Variants in PTPRQ observed in about 807,000 individuals in gnomAD.
PTPRQ encodes the protein protein tyrosine phosphatase receptor type Q.
In PTPRQ, 199 loss-of-function variants were observed where a neutral mutation model predicts 246.0. That is an observed-to-expected ratio of 0.81 (90% CI 0.72 to 0.91). PTPRQ has a LOEUF of 0.91. PTPRQ is among the 40% of genes least tolerant of loss of function. The pLI, the probability that PTPRQ is intolerant of heterozygous loss-of-function variation, is 0.00. For synonymous variants in PTPRQ, 869 were observed against 853.2 expected (o/e 1.02, Z -0.32); for missense variants, 2,624 against 2,528.4 (o/e 1.04, Z -0.81).
At position 80,610,510 on chromosome 12, in the gene PTPRQ, T is replaced by G; in HGVS notation, c.4803T>G (p.Asp1601Glu). ...AAAATAAAACCATAGAAATTAAAGATTTAGAAATATTCACAAGGTATTCTG... is the reference window on the plus strand; with the variant it reads ...AAAATAAAACCATAGAAATTAAAGAGTTAGAAATATTCACAAGGTATTCTG... Reference protein sequence around the residue: ...NEENKTIEIKDLEIFTRYSVV... With the variant: ...NEENKTIEIKELEIFTRYSVV... Residue 1601 changes from aspartate to glutamate, a missense_variant, in exon 28 of 45, where the codon GAT becomes GAG. Physicochemically the swap from Asp to Glu is conservative, Grantham distance 45 (BLOSUM62 2). Transcript: ENST00000644991. 1 of 1,534,320 alleles carries G rather than the reference T, an allele frequency of 6.5e-7. No homozygotes were observed. The highest frequency in any genetic ancestry group is 8.8e-7 in the Non-Finnish European group (1 of 1,136,960).
At chr12:80,494,621 GT>G (rs1894551473) in intron 10 of PTPRQ, among the ~76,000 whole-genome samples, 1 of 151,624 alleles carries the variant, frequency 6.6e-6, no homozygotes, top group South Asian at 2.1e-4. Context: ...TAAGAAAGTT[GT>G]TTTCTTAAAA....
chr12:80,465,239 A>T (rs1893352236), intron 6 of PTPRQ: 1 of 152,190 alleles, frequency 6.6e-6, no homozygotes, highest in Admixed American at 6.5e-5. Flanking sequence ...CTATGCAAAT[A>T]AACTAGAAAA....
Position 80,472,267 on chromosome 12 carries a change from ATGAG to A in PTPRQ, c.1186+21_1186+24del. 6.5e-7 allele frequency: 1 copy of A among 1,549,898 alleles called. No individual in the cohort carries two copies. Among genetic ancestry groups the A allele is most frequent in the Non-Finnish European group, 8.7e-7 (1 of 1,146,554 alleles). ...CCACCAGATGGTAAGAACATAGGGA[ATGAG>A]TGAGATATTTTTGGTATGCTTATGA... On this transcript the variant is annotated intron_variant, in intron 8 of 44. Transcript: ENST00000644991.
chr12:80,629,961 T>A (rs1222409060), intron 33 of PTPRQ, among the ~76,000 whole-genome samples: 1 of 152,226 alleles, frequency 6.6e-6, no homozygotes, highest in African/African-American at 2.4e-5. Context: ...CATTGTTCAC[T>A]TATTTCTGAA....
chr12:80,567,946 AG>A (rs2120943026), intron 25 of PTPRQ, among the ~76,000 whole-genome samples: 1 of 152,300 alleles, frequency 6.6e-6, no homozygotes, highest in Non-Finnish European at 1.5e-5. Flanking sequence ...TGACATAAAA[AG>A]TATATATTTT....
intron 33 of PTPRQ, among the ~76,000 whole-genome samples, chr12:80,631,656 T>C (rs1465108751): frequency 6.6e-6 from 1 of 152,172 alleles, no homozygotes; most frequent in Non-Finnish European, 1.5e-5. Context: ...ATTACAAATA[T>C]GTTGAAGATA....
In PTPRQ at chr12:80,620,274, G is replaced by A. The variant is rs1425361802; in HGVS notation, c.5510G>A (p.Gly1837Asp). The change falls in exon 32 of 45, where the codon GGC becomes GAC. Residue 1837 changes from glycine (G) to aspartate (D), a missense_variant. Physicochemically the swap from Gly to Asp is moderately conservative, Grantham distance 94 (BLOSUM62 -1). Coordinates refer to ENST00000644991, the MANE Select transcript of PTPRQ (RefSeq NM_001145026.2). ...ACAGAAGGAAAGACAAAGTTTAGTG[G>A]CAATGAAGAAATCTACATCATAGGT... is the stretch of plus-strand genomic sequence containing the variant. The part of the protein sequence containing the change: ...PCTEGKTKFS[G>D]NEEIYIIGAD... 5.8e-6 allele frequency: 9 copies of A among 1,549,482 alleles called. No individual in the cohort carries two copies. Among genetic ancestry groups the A allele is most frequent in the Admixed American group, 3.9e-5 (2 of 50,838 alleles).
At chr12:80,449,115 C>T (rs1219471267) in intron 3 of PTPRQ, among the ~76,000 whole-genome samples, 8 of 151,484 alleles carry the variant, frequency 5.3e-5, no homozygotes, top group Non-Finnish European at 1.5e-5. Context: ...TTGCATTTCT[C>T]TGATGGCCAG....
At position 80,617,317 on chromosome 12, in the gene PTPRQ, C is replaced by G. The variant is rs377653196; in HGVS notation, c.5230+1051C>G. Among the ~76,000 whole-genome samples the G allele has an allele frequency of 4.2e-4, 64 of 151,402 alleles. No homozygotes were observed. The East Asian group carries it at 8.2e-3, about 19-fold the overall frequency. On this transcript the variant is annotated intron_variant, in intron 30 of 44. Transcript: ENST00000644991. ...TGTACTATTAAGAATAAAAAATATT[C>G]ACTGTTAGATGAAACTGATAAATTT...
intron 25 of PTPRQ, among the ~76,000 whole-genome samples, chr12:80,574,066 G>C (rs1363014239): frequency 6.6e-6 from 1 of 151,668 alleles, no homozygotes; most frequent in Non-Finnish European, 1.5e-5. Flanking sequence ...TGTAGTTTCA[G>C]TTAAAAAAAA....
chr12:80,450,451 G>A (rs1892719607), intron 3 of PTPRQ, among the ~76,000 whole-genome samples: 1 of 152,160 alleles, frequency 6.6e-6, no homozygotes, highest in Admixed American at 6.5e-5. Context: ...TCCCTGTCTT[G>A]TGCCAGTTTT....
At position 80,484,608 on chromosome 12, in the gene PTPRQ, A is replaced by T; in HGVS notation, c.1359+3A>T. 1 of 1,548,866 alleles carries T rather than the reference A, an allele frequency of 6.5e-7. No homozygotes were observed. ...CTTTGCTCACTGGAAATAATGAGGT[A>T]TTGCATTTTTATTTCACTTATTGGT... On this transcript the variant is annotated splice_donor_region_variant and intron_variant, in intron 9 of 44. Transcript: ENST00000644991.
At chr12:80,496,827 G>T (rs922097176) in intron 14 of PTPRQ, among the ~76,000 whole-genome samples, 1 of 151,964 alleles carries the variant, frequency 6.6e-6, no homozygotes, top group African/African-American at 2.4e-5. Context: ...AGATTGAATG[G>T]CTACTTGCTT....
Position 80,495,311 on chromosome 12 carries a change from G to T in PTPRQ, c.1822G>T (p.Glu608Ter), listed in dbSNP as rs1894580017. Residue 608 changes from glutamate to a stop codon, truncating the protein, a stop_gained, in exon 12 of 45, where the codon GAA (glutamate) becomes TAA (stop). Coordinates refer to ENST00000644991, the MANE Select transcript of PTPRQ (RefSeq NM_001145026.2). LOFTEE classifies it high-confidence loss of function. ...AACTCACTATACGATTTATGCAATG[G>T]AATTGGATACAAACAGAGCATTCCA... Reference protein sequence around the residue: ...KITHYTIYAMELDTNRAFQIT... With the variant: ...KITHYTIYAM 1 of 1,544,988 alleles carries T rather than the reference G, an allele frequency of 6.5e-7. No individual in the cohort carries two copies. The highest frequency in any genetic ancestry group is 2.5e-5 in the East Asian group (1 of 40,706).
At chr12:80,600,743 G>A (rs544352724) in intron 26 of PTPRQ, among the ~76,000 whole-genome samples, 1 of 151,838 alleles carries the variant, frequency 6.6e-6, no homozygotes, top group South Asian at 2.1e-4. Flanking sequence ...CATCTTTCTG[G>A]TATGAGTTAG....
At chr12:80,662,304 A>G (rs756817293) in intron 39 of PTPRQ, among the ~76,000 whole-genome samples, 5 of 151,982 alleles carry the variant, frequency 3.3e-5, no homozygotes, top group African/African-American at 9.7e-5. Flanking sequence ...AAAGCATAAA[A>G]ATATTGATTT....
At chr12:80,605,226 A>C (rs1420927140) in intron 27 of PTPRQ, 46 bp downstream of exon 27, 2 of 1,522,112 alleles carry the variant, frequency 1.3e-6, no homozygotes, top group East Asian at 5.0e-5. Flanking sequence ...AAAATGGTTA[A>C]TAATACAAGA....
In PTPRQ at chr12:80,588,398, A is replaced by G. The variant is rs964415542; in HGVS notation, c.4555A>G (p.Asn1519Asp). 4.6e-5 allele frequency: 70 copies of G among 1,525,394 alleles called. No individual in the cohort carries two copies. The highest frequency in any genetic ancestry group is 5.6e-5 in the Non-Finnish European group (64 of 1,133,368). 94.5% of individuals were successfully genotyped at this position (1,525,394 alleles called of 1,614,324 possible). Reference protein sequence around the residue: ...WYRFQVAASTNAGYGNASNWI... With the variant: ...WYRFQVAASTDAGYGNASNWI... ...TAGATTCCAAGTGGCTGCCAGCACC[A>G]ATGCTGGCTATGGCAATGCTTCAAA... is the stretch of plus-strand genomic sequence containing the variant. The change falls in exon 26 of 45, where the codon AAT becomes GAT. Residue 1519 changes from asparagine (N) to aspartate (D), a missense_variant. Transcript: ENST00000644991.
intron 9 of PTPRQ, among the ~76,000 whole-genome samples, chr12:80,486,936 T>C (rs1894295972): frequency 6.6e-6 from 1 of 152,198 alleles, no homozygotes; most frequent in African/African-American, 2.4e-5. Flanking sequence ...TTATGTACTG[T>C]GACATTGCAA....
Sources: gnomAD v4.1 joint callset for allele counts (sites outside exome capture counted in the v4.1 genomes callset) on GRCh38, gnomAD v4.1.1 for gene constraint, MANE v1.5 for transcripts, NCBI Gene and HGNC (gene_info 2026-07-23, HGNC 2026-07-21) for gene names.